The following QSOX1 variants were observed in gnomAD, a reference collection of about 807,000 sequenced individuals.
QSOX1 encodes quiescin sulfhydryl oxidase 1.
In QSOX1, 40 loss-of-function variants were observed where a neutral mutation model predicts 76.1. That is an observed-to-expected ratio of 0.53 (90% CI 0.41 to 0.68). The LOEUF is 0.68. QSOX1 is among the 30% of genes least tolerant of loss of function. The pLI is 0.00. For missense variants in QSOX1, 931 were observed against 974.3 expected (o/e 0.96, Z 0.59); for synonymous variants, 392 against 413.1 (o/e 0.95, Z 0.62).
intron 11 of QSOX1, among the ~76,000 whole-genome samples, chr1:180,194,750 T>G (rs1007158809): frequency 6.6e-6 from 1 of 152,026 alleles, no homozygotes; most frequent in Non-Finnish European, 1.5e-5. Flanking sequence ...CTGGGAAGGG[T>G]CTGATGAGAG....
Position 180,196,715 on chromosome 1 carries a change from A to G in QSOX1, c.1922A>G (p.His641Arg). The G allele has an allele frequency of 3.1e-6, 5 of 1,614,058 alleles. No homozygotes were observed. Among genetic ancestry groups the G allele is most frequent in the Non-Finnish European group, 4.2e-6 (5 of 1,180,014 alleles). Reference protein sequence around the residue: ...NEQEQPLGQWHLSKRDTGAAL... With the variant: ...NEQEQPLGQWRLSKRDTGAAL... Reference sequence around the variant, plus strand: ...CAGGAGCAGCCGCTTGGGCAGTGGCACTTGAGCAAGCGAGACACAGGGGCT... The same window carrying G: ...CAGGAGCAGCCGCTTGGGCAGTGGCGCTTGAGCAAGCGAGACACAGGGGCT... The change falls in exon 12 of 12, where the codon CAC (histidine) becomes CGC (arginine). Residue 641 changes from histidine to arginine, a missense_variant. Physicochemically the swap from His to Arg is conservative, Grantham distance 29 (BLOSUM62 0). Coordinates refer to ENST00000367602, the MANE Select transcript of QSOX1 (RefSeq NM_002826.5). The surrounding 1 kb of genome is among the most constrained non-coding windows in gnomAD (Gnocchi z 4.1).
intron 6 of QSOX1, among the ~76,000 whole-genome samples, chr1:180,183,450 C>G (rs1182438318): frequency 6.6e-6 from 1 of 152,248 alleles, no homozygotes; most frequent in East Asian, 1.9e-4. Flanking sequence ...TTGAAAAATC[C>G]CATATCAAAC....
chr1:180,189,778 G>C, intron 9 of QSOX1, 104 bp downstream of exon 9: 6 of 1,361,278 alleles, frequency 4.4e-6, no homozygotes, highest in Non-Finnish European at 6.0e-6. Context: ...TTGCACCAGG[G>C]AGTCAGTGAT....
chr1:180,162,033 G>A (rs961389944), intron 1 of QSOX1, among the ~76,000 whole-genome samples: 5 of 152,222 alleles, frequency 3.3e-5, no homozygotes, highest in African/African-American at 1.2e-4. Context: ...TAAAATGGTT[G>A]TGGTTAAAGA....
At chr1:180,189,358 G>A (rs3888922) in intron 8 of QSOX1, among the ~76,000 whole-genome samples, 194 bp from the exon 9 acceptor site, 21,869 of 152,104 alleles carry the variant, frequency 0.14, 1,711 homozygotes, top group Middle Eastern at 0.22. Context: ...CCAGAGCAAA[G>A]GTAGTACAGA....
rs950711420 is a variant in QSOX1 at position 180,201,340 on chromosome 1, C to G, written c.*4303C>G. On this transcript the variant is annotated 3_prime_UTR_variant, in exon 12 of 12. Transcript: ENST00000367602. ...AGCTCACTCACACCAGCCTGACAGT[C>G]TTGGGGCAGAGCGCCCCATAGGCCT... The G allele has an allele frequency of 8.5e-5, 13 of 152,188 alleles. No individual in the cohort carries two copies. The highest frequency in any genetic ancestry group is 2.9e-4 in the African/African-American group (12 of 41,426). The allele number at this position is 152,188 out of a possible 1,614,324, so 9.4% of individuals were successfully genotyped here.
rs1406856889 is a variant in QSOX1 at position 180,203,231 on chromosome 1, A to G, written c.*6194A>G. Reference sequence around the variant, plus strand: ...ATTTATTGACCTGATAAAATGTCCCAAGAAGGACACATTTTTATAAACATA... The same window carrying G: ...ATTTATTGACCTGATAAAATGTCCCGAGAAGGACACATTTTTATAAACATA... On this transcript the variant is annotated 3_prime_UTR_variant, in exon 12 of 12. Coordinates refer to ENST00000367602, the MANE Select transcript of QSOX1 (RefSeq NM_002826.5). 1 of 152,206 alleles carries G rather than the reference A, an allele frequency of 6.6e-6. No homozygotes were observed. Among genetic ancestry groups the G allele is most frequent in the Non-Finnish European group, 1.5e-5 (1 of 68,034 alleles). The allele number at this position is 152,206 out of a possible 1,614,324, so 9.4% of individuals were successfully genotyped here.
chr1:180,191,066 C>T (rs558644814), intron 10 of QSOX1, among the ~76,000 whole-genome samples: 10 of 152,326 alleles, frequency 6.6e-5, no homozygotes, highest in South Asian at 2.1e-4. Context: ...CCTGCTGCCT[C>T]GGATTGTCCA....
intron 6 of QSOX1, 123 bp from the exon 7 acceptor site, chr1:180,183,793 G>C (rs984963952): frequency 8.7e-7 from 1 of 1,148,430 alleles, no homozygotes. Context: ...ATGGAATCTC[G>C]TTCACATATT....
At chr1:180,174,339 G>T (rs1255564740) in intron 2 of QSOX1, among the ~76,000 whole-genome samples, 4 of 152,254 alleles carry the variant, frequency 2.6e-5, no homozygotes, top group Non-Finnish European at 4.4e-5. Flanking sequence ...GACAGACTAG[G>T]CTTGGGGTGT....
Position 180,154,936 on chromosome 1 carries a change from C to T in QSOX1, c.29C>T (p.Pro10Leu), listed in dbSNP as rs980913670. 7 of 1,478,170 alleles carry T rather than the reference C, an allele frequency of 4.7e-6. No homozygotes were observed. Among genetic ancestry groups the T allele is most frequent in the Non-Finnish European group, 6.2e-6 (7 of 1,123,224 alleles). 91.6% of individuals were successfully genotyped at this position (1,478,170 alleles called of 1,614,324 possible). ...AGGAGGTGCAACAGCGGCTCCGGGCCGCCGCCGTCGCTGCTGCTGCTGCTG... is the reference window on the plus strand; with the variant it reads ...AGGAGGTGCAACAGCGGCTCCGGGCTGCCGCCGTCGCTGCTGCTGCTGCTG... Reference protein sequence around the residue: MRRCNSGSGPPPSLLLLLLW... With the variant: MRRCNSGSGLPPSLLLLLLW... Residue 10 changes from proline to leucine, a missense_variant, in exon 1 of 12, where the codon CCG (proline) becomes CTG (leucine). Pro to Leu is a moderately conservative substitution (Grantham distance 98). Transcript: ENST00000367602.
intron 1 of QSOX1, among the ~76,000 whole-genome samples, chr1:180,163,693 G>GT (rs1464464347): frequency 1.3e-5 from 2 of 152,130 alleles, no homozygotes; most frequent in Non-Finnish European, 2.9e-5. Flanking sequence ...TAAAATAACC[G>GT]TAAGAGGAGG....
In QSOX1 at chr1:180,196,299, G is replaced by A. The variant is rs371806579; in HGVS notation, c.1506G>A (p.Gln502=). The change falls in exon 12 of 12, where the codon CAG becomes CAA. Residue 502 remains glutamine (Q), a synonymous_variant. Coordinates refer to ENST00000367602, the MANE Select transcript of QSOX1 (RefSeq NM_002826.5). This position sits in a 1 kb window ranked among gnomAD's most constrained non-coding sequence, Gnocchi z 4.1. ...PSEDPQFPKV[Q]WPPRELCSAC... is the part of the protein sequence containing the mutation. The stretch of plus-strand genomic sequence containing the variant: ...AGGACCCCCAGTTCCCCAAGGTGCA[G>A]TGGCCACCCCGTGAACTTTGTTCTG... The A allele has an allele frequency of 1.2e-6, 2 of 1,613,808 alleles. No homozygotes were observed. The highest frequency in any genetic ancestry group is 1.7e-6 in the Non-Finnish European group (2 of 1,179,852).
chr1:180,155,443 T>TC (rs1300485329), intron 1 of QSOX1, among the ~76,000 whole-genome samples: 1 of 152,122 alleles, frequency 6.6e-6, no homozygotes, highest in African/African-American at 2.4e-5. Context: ...GCCCGGTTCG[T>TC]CCCCCGCCAG....
Position 180,190,468 on chromosome 1 carries a change from C to T in QSOX1, c.1176C>T (p.Gly392=). 1 of 1,614,030 alleles carries T rather than the reference C, an allele frequency of 6.2e-7. No individual in the cohort carries two copies. Among genetic ancestry groups the T allele is most frequent in the Non-Finnish European group, 8.5e-7 (1 of 1,179,850 alleles). ...TTGCCAAGAAGGTGAACTGGATTGG[C>T]TGCCAGGGGAGTGAGCCGCATTTCC... ...AVLAKKVNWI[G]CQGSEPHFRG... The change falls in exon 10 of 12, where the codon GGC becomes GGT. Residue 392 remains glycine, a synonymous_variant. Coordinates refer to ENST00000367602, the MANE Select transcript of QSOX1 (RefSeq NM_002826.5).
In QSOX1 at chr1:180,198,407, T is replaced by C. The variant is rs938141266; in HGVS notation, c.*1370T>C. 2 of 456,418 alleles carry C rather than the reference T, an allele frequency of 4.4e-6. No homozygotes were observed. Among genetic ancestry groups the C allele is most frequent in the African/African-American group, 4.0e-5 (2 of 50,062 alleles). The allele number at this position is 456,418 out of a possible 1,614,324, so 28.3% of individuals were successfully genotyped here. ...TCGGTGGGGAGGAGTCAGCCAGGAT[T>C]AGAGAGCCTGCCCCTAATCCGGCCT... On this transcript the variant is annotated 3_prime_UTR_variant, in exon 12 of 12. Transcript: ENST00000367602.
At chr1:180,189,107 C>A (rs1000675750) in intron 8 of QSOX1, among the ~76,000 whole-genome samples, 2 of 152,324 alleles carry the variant, frequency 1.3e-5, no homozygotes, top group South Asian at 4.1e-4. Context: ...CCTAACCCAG[C>A]TGGCCAGTCA....
In QSOX1 at chr1:180,196,477, C is replaced by T. The variant is rs199773489; in HGVS notation, c.1684C>T (p.Pro562Ser). The T allele has an allele frequency of 1.4e-5, 22 of 1,613,882 alleles. 1 individual carries two copies. The East Asian group carries it at 4.7e-4, about 34-fold the overall frequency. The change falls in exon 12 of 12, where the codon CCA becomes TCA. Residue 562 changes from proline to serine, a missense_variant. Coordinates refer to ENST00000367602, the MANE Select transcript of QSOX1 (RefSeq NM_002826.5). The surrounding 1 kb of genome is among the most constrained non-coding windows in gnomAD (Gnocchi z 4.1). ...RRDVQNVAAA[P>S]ELAMGALELE... The stretch of plus-strand genomic sequence containing the variant: ...GGATGTGCAGAATGTGGCAGCCGCC[C>T]CAGAGCTGGCGATGGGAGCCCTGGA...
rs1663633638 is a variant in QSOX1, at chr1:180,201,273, TC to T, written c.*4237del. On this transcript the variant is annotated 3_prime_UTR_variant, in exon 12 of 12. Transcript: ENST00000367602. ...CCAGAGGAAATCACAGCCTATAAGA[TC>T]AATATCCTGATAGAATCCCGGGCCA... 6.6e-6 allele frequency: 1 copy of T among 152,048 alleles called. No homozygotes were observed. Among genetic ancestry groups the T allele is most frequent in the African/African-American group, 2.4e-5 (1 of 41,384 alleles). 9.4% of individuals were successfully genotyped at this position (152,048 alleles called of 1,614,324 possible). A position where few individuals can be genotyped will look rare whatever the true frequency, so the allele number is the denominator to read the frequency against.
Sources: allele counts gnomAD v4.1 joint callset (sites outside exome capture counted in the v4.1 genomes callset), GRCh38; gene constraint gnomAD v4.1.1; non-coding constraint Gnocchi (gnomAD v3.1); transcripts MANE v1.5; gene names NCBI Gene and HGNC (gene_info 2026-07-23, HGNC 2026-07-21).